Variants in ARL13B observed in about 807,000 individuals in gnomAD.
The protein encoded by ARL13B is ADP-ribosylation factor-like protein 13B.
In ARL13B, 36 loss-of-function variants were observed where a neutral mutation model predicts 56.1. That is an observed-to-expected ratio of 0.64 (90% CI 0.49 to 0.85). ARL13B has a LOEUF of 0.85. ARL13B is among the 40% of genes least tolerant of loss of function. ARL13B has a pLI of 0.00. For synonymous variants in ARL13B, 178 were observed against 171.1 expected, an observed-to-expected ratio of 1.04 and a Z score of -0.32; for missense variants, 519 against 507.1, an observed-to-expected ratio of 1.02 and a Z score of -0.23.
Position 94,055,657 on chromosome 3 carries a change from A to G in ARL13B, c.*2394A>G, listed in dbSNP as rs1294222993. 2.2e-6 allele frequency: 1 copy of G among 452,214 alleles called. No individual in the cohort carries two copies. 28.0% of individuals were successfully genotyped at this position (452,214 alleles called of 1,614,324 possible). A position where few individuals can be genotyped will look rare whatever the true frequency, so the allele number is the denominator to read the frequency against. On this transcript the variant is annotated 3_prime_UTR_variant, in exon 10 of 10. Transcript: ENST00000394222. ...ATTGTATGTAACTGACTTCAAATAT[A>G]AAACTATGCATAGAAACAACACTAG...
chr3:94,048,647 C>T (rs1022120254), intron 7 of ARL13B, among the ~76,000 whole-genome samples: 1 of 151,668 alleles, frequency 6.6e-6, no homozygotes, highest in African/African-American at 2.4e-5. Context: ...AGCTGGATGG[C>T]AGTGTCACAA....
rs540506450 is a variant in ARL13B at position 94,037,980 on chromosome 3, A to G, written c.689+1226A>G. On this transcript the variant is annotated intron_variant, in intron 5 of 9. Transcript: ENST00000394222. ...TGAGGAGACCTCTTCTGTTGAGCCA[A>G]TACTCCATAATTAAAAGCAAATTGA... Among the ~76,000 whole-genome samples, 154 of 152,098 alleles carry G rather than the reference A, an allele frequency of 1.0e-3. 1 individual carries two copies. Among genetic ancestry groups the G allele is most frequent in the Non-Finnish European group, 1.5e-3 (102 of 68,024 alleles).
At chr3:94,042,113 T>G (rs1469824475) in intron 6 of ARL13B, among the ~76,000 whole-genome samples, 1 of 152,182 alleles carries the variant, frequency 6.6e-6, no homozygotes, top group African/African-American at 2.4e-5. Flanking sequence ...CAATAAAAAT[T>G]TTAACTTAAA....
chr3:94,014,426 C>G (rs1181566571), intron 3 of ARL13B: 5 of 1,581,752 alleles, frequency 3.2e-6, no homozygotes, highest in Non-Finnish European at 3.4e-6. Context: ...CAACACAGTA[C>G]TCTGCAAGGA....
chr3:93,997,942 C>T (rs370715343), intron 2 of ARL13B, among the ~76,000 whole-genome samples: 8 of 152,006 alleles, frequency 5.3e-5, no homozygotes, highest in East Asian at 3.9e-4. Flanking sequence ...GCTGGGATTG[C>T]GCCACTGCAC....
At chr3:94,018,919 C>T (rs772222667) in intron 3 of ARL13B, among the ~76,000 whole-genome samples, 20 of 152,122 alleles carry the variant, frequency 1.3e-4, no homozygotes, top group Admixed American at 1.2e-3. Context: ...GCATGTGCCA[C>T]CACGCCCAGC....
At chr3:94,003,070 C>A (rs897616639) in intron 2 of ARL13B, among the ~76,000 whole-genome samples, 1 of 152,010 alleles carries the variant, frequency 6.6e-6, no homozygotes, top group African/African-American at 2.4e-5. Flanking sequence ...CAAAAAAATT[C>A]AATTATGTAT....
At chr3:93,987,157 A>AC (rs1553826147) in intron 1 of ARL13B, among the ~76,000 whole-genome samples, 1 of 146,872 alleles carries the variant, frequency 6.8e-6, no homozygotes, top group Admixed American at 6.8e-5. Context: ...TATATTTCTG[A>AC]TTTTTTTTTT....
chr3:94,029,303 T>C (rs1196074455), intron 3 of ARL13B, among the ~76,000 whole-genome samples: 1 of 46,092 alleles, frequency 2.2e-5, no homozygotes, highest in Admixed American at 2.6e-4. Context: ...ATCAAAATCA[T>C]ATATATATAT....
chr3:94,045,950 C>CAAAAAAAAAAA (rs1199964643), intron 7 of ARL13B, among the ~76,000 whole-genome samples: 24 of 43,688 alleles, frequency 5.5e-4, no homozygotes, highest in African/African-American at 1.1e-3. Flanking sequence ...GACTCCATCA[C>CAAAAAAAAAAA]AAAAAAAAAA....
intron 1 of ARL13B, among the ~76,000 whole-genome samples, chr3:93,992,560 A>G (rs187907957): frequency 2.9e-3 from 439 of 152,256 alleles, no homozygotes; most frequent in Middle Eastern, 0.01. Flanking sequence ...GTTTGCTACT[A>G]TGTAATGGGT....
chr3:94,016,881 G>C (rs144084170), intron 3 of ARL13B, among the ~76,000 whole-genome samples: 1 of 152,024 alleles, frequency 6.6e-6, no homozygotes, highest in Non-Finnish European at 1.5e-5. Context: ...TCCTGACCTC[G>C]TGATCCGCCC....
rs553634712 is a variant in ARL13B, at chr3:94,042,752, G to A, written c.799-263G>A. ...ATTATATACTGAACAGATTATATAC[G>A]GAATAATACAGATGAATAGTAGTCA... On this transcript the variant is annotated intron_variant, in intron 6 of 9. Coordinates refer to ENST00000394222, the MANE Select transcript of ARL13B (RefSeq NM_001174150.2). Among the ~76,000 whole-genome samples the A allele has an allele frequency of 5.3e-5, 8 of 152,138 alleles. No individual in the cohort carries two copies. The East Asian group carries it at 1.5e-3, about 29-fold the overall frequency.
At chr3:93,987,474 A>G (rs1272464372) in intron 1 of ARL13B, among the ~76,000 whole-genome samples, 2 of 152,100 alleles carry the variant, frequency 1.3e-5, no homozygotes, top group African/African-American at 4.8e-5. Context: ...AAGTGATGTA[A>G]AACAGACCTT....
chr3:94,012,791 T>C (rs2076247799), intron 3 of ARL13B, among the ~76,000 whole-genome samples: 1 of 152,174 alleles, frequency 6.6e-6, no homozygotes, highest in Admixed American at 6.6e-5. Context: ...TTCTTCCTAC[T>C]GCATTAACTT....
In ARL13B at chr3:94,053,399, T is replaced by C; in HGVS notation, c.*136T>C. 1 of 797,826 alleles carries C rather than the reference T, an allele frequency of 1.3e-6. No individual in the cohort carries two copies. The highest frequency in any genetic ancestry group is 2.1e-6 in the Non-Finnish European group (1 of 469,466). 49.4% of individuals were successfully genotyped at this position (797,826 alleles called of 1,614,324 possible). ...ATAATTTTAGTGAGAAGATTAATAC[T>C]CAAGGACCTGACTTGATAATTACTT... On this transcript the variant is annotated 3_prime_UTR_variant, in exon 10 of 10. Transcript: ENST00000394222.
At chr3:94,026,904 G>C (rs1323670875) in intron 3 of ARL13B, among the ~76,000 whole-genome samples, 1 of 152,018 alleles carries the variant, frequency 6.6e-6, no homozygotes, top group Non-Finnish European at 1.5e-5. Context: ...TAATCAACTT[G>C]GACAACTTGT....
At chr3:94,014,332 A>G in intron 3 of ARL13B, 1 of 1,414,292 alleles carries the variant, frequency 7.1e-7, no homozygotes, top group East Asian at 2.3e-5. Context: ...CAAGACACTG[A>G]AATATAAGCT....
intron 2 of ARL13B, among the ~76,000 whole-genome samples, chr3:94,000,927 G>A (rs1454713309): frequency 6.6e-6 from 1 of 151,946 alleles, no homozygotes; most frequent in African/African-American, 2.4e-5. Context: ...GAGGATAGAT[G>A]GATAAATACA....
Sources: allele counts gnomAD v4.1 joint callset (sites outside exome capture counted in the v4.1 genomes callset), GRCh38; gene constraint gnomAD v4.1.1; transcripts MANE v1.5; gene names NCBI Gene and HGNC (gene_info 2026-07-23, HGNC 2026-07-21).